Variants in PHACTR1 observed in about 807,000 individuals in gnomAD.
The protein encoded by PHACTR1 is RPEL repeat containing 1.
In PHACTR1, 16 loss-of-function variants were observed where a neutral mutation model predicts 69.2. That is an observed-to-expected ratio of 0.23 (90% CI 0.16 to 0.35). PHACTR1 has a LOEUF of 0.35. Among genes scored for constraint, PHACTR1 ranks in the 10% least tolerant of loss-of-function variants. The pLI, the probability that PHACTR1 is intolerant of heterozygous loss-of-function variation, is 1.00. For synonymous variants in PHACTR1, 312 were observed against 284.5 expected, an observed-to-expected ratio of 1.10 and a Z score of -0.97; for missense variants, 510 against 734.7, an observed-to-expected ratio of 0.69 and a Z score of 3.54.
chr6:13,233,654 C>T (rs572316554), intron 10 of PHACTR1, among the ~76,000 whole-genome samples: 1 of 152,160 alleles, frequency 6.6e-6, no homozygotes, highest in Admixed American at 6.5e-5. Flanking sequence ...ATGAGGGAAA[C>T]TGCCCCCATG....
chr6:12,952,635 A>G (rs1791430440), intron 4 of PHACTR1, among the ~76,000 whole-genome samples: 1 of 152,204 alleles, frequency 6.6e-6, no homozygotes, highest in Non-Finnish European at 1.5e-5. Flanking sequence ...GGACATCTTG[A>G]TTGCTTCCAA....
chr6:13,048,475 A>G (rs924593299), intron 4 of PHACTR1, among the ~76,000 whole-genome samples: 2 of 151,006 alleles, frequency 1.3e-5, no homozygotes, highest in East Asian at 1.9e-4. Context: ...GGTTCCTGCA[A>G]TGGGAGACCA....
At chr6:12,767,119 C>T (rs188074238) in intron 4 of PHACTR1, among the ~76,000 whole-genome samples, 4 of 152,278 alleles carry the variant, frequency 2.6e-5, no homozygotes, top group African/African-American at 7.2e-5. Flanking sequence ...GGTGGGTCAG[C>T]GTCCCAACAT....
chr6:12,894,591 C>A (rs1314312342), intron 4 of PHACTR1, among the ~76,000 whole-genome samples: 1 of 152,134 alleles, frequency 6.6e-6, no homozygotes, highest in East Asian at 1.9e-4. Flanking sequence ...GGTGACAGAG[C>A]AAGACTCCTT....
At chr6:12,789,091 G>A (rs73722845) in intron 4 of PHACTR1, among the ~76,000 whole-genome samples, 10,624 of 152,224 alleles carry the variant, frequency 0.07, 461 homozygotes, top group Admixed American at 0.1. Context: ...CAATGCCTCT[G>A]CTCTCGTTTC....
chr6:12,839,565 TC>T (rs1778489223), intron 4 of PHACTR1, among the ~76,000 whole-genome samples: 1 of 152,052 alleles, frequency 6.6e-6, no homozygotes, highest in South Asian at 2.1e-4. Context: ...TTCTGCCTGG[TC>T]CCACTGACCC....
intron 7 of PHACTR1, among the ~76,000 whole-genome samples, chr6:13,198,949 A>T (rs1221312295): frequency 1.3e-5 from 2 of 152,232 alleles, no homozygotes; most frequent in Admixed American, 1.3e-4. Context: ...ATTTCCATCC[A>T]GGTAGATCAG....
chr6:12,946,205 G>T (rs182631098), intron 4 of PHACTR1, among the ~76,000 whole-genome samples: 1 of 151,964 alleles, frequency 6.6e-6, no homozygotes, highest in African/African-American at 2.4e-5. Context: ...TGAAAAGTGT[G>T]TAGAATACTA....
At chr6:13,067,003 G>C (rs1260249951) in intron 5 of PHACTR1, among the ~76,000 whole-genome samples, 1 of 152,096 alleles carries the variant, frequency 6.6e-6, no homozygotes, top group East Asian at 1.9e-4. Flanking sequence ...GGTTCATTGG[G>C]GCTTGTCTTT....
chr6:12,737,739 C>G (rs1025976795), intron 3 of PHACTR1, among the ~76,000 whole-genome samples: 4 of 151,844 alleles, frequency 2.6e-5, no homozygotes, highest in Non-Finnish European at 5.9e-5. Flanking sequence ...GGACTACAGG[C>G]GTGTGCCACC....
chr6:12,889,029 T>A (rs1382618518), intron 4 of PHACTR1, among the ~76,000 whole-genome samples: 1 of 151,884 alleles, frequency 6.6e-6, no homozygotes, highest in Non-Finnish European at 1.5e-5. Flanking sequence ...TCCTAGCAAT[T>A]TGGGAGGCCA....
At chr6:13,153,737 T>G (rs575985800) in intron 5 of PHACTR1, among the ~76,000 whole-genome samples, 2 of 152,230 alleles carry the variant, frequency 1.3e-5, no homozygotes, top group Admixed American at 1.3e-4. Context: ...CATATTCATT[T>G]TGGGGAGAAC....
intron 6 of PHACTR1, among the ~76,000 whole-genome samples, chr6:13,174,490 G>C (rs1475859592): frequency 6.6e-6 from 1 of 152,178 alleles, no homozygotes; most frequent in African/African-American, 2.4e-5. Context: ...GTCTAAAATT[G>C]TCGCATGGCA....
At chr6:13,182,201 C>A (rs1762263592) in intron 6 of PHACTR1, among the ~76,000 whole-genome samples, 1 of 152,126 alleles carries the variant, frequency 6.6e-6, no homozygotes, top group Non-Finnish European at 1.5e-5. Context: ...CCATTGCACT[C>A]CAGCCTGGGC....
At chr6:13,118,201 C>A (rs1264560726) in intron 5 of PHACTR1, among the ~76,000 whole-genome samples, 1 of 152,172 alleles carries the variant, frequency 6.6e-6, no homozygotes, top group Non-Finnish European at 1.5e-5. Context: ...GCCAGGAGCA[C>A]CTAGGCTTGA....
intron 4 of PHACTR1, among the ~76,000 whole-genome samples, chr6:12,904,160 C>T (rs923253475): frequency 6.6e-6 from 1 of 152,148 alleles, no homozygotes; most frequent in Non-Finnish European, 1.5e-5. Context: ...CCAAAACATA[C>T]ATATGAATTA....
At chr6:12,719,751 C>T (rs1761866723) in intron 3 of PHACTR1, among the ~76,000 whole-genome samples, 1 of 152,194 alleles carries the variant, frequency 6.6e-6, no homozygotes, top group African/African-American at 2.4e-5. Context: ...GAACTTTACA[C>T]ACGCCACTGA....
At chr6:13,169,043 A>G (rs6917942) in intron 6 of PHACTR1, among the ~76,000 whole-genome samples, 9,217 of 152,108 alleles carry the variant, frequency 0.061, 756 homozygotes, top group African/African-American at 0.18. Context: ...TGGGATTCAG[A>G]GGATGTGATG....
At chr6:13,049,952 T>C (rs1000218915) in intron 4 of PHACTR1, among the ~76,000 whole-genome samples, 4 of 152,052 alleles carry the variant, frequency 2.6e-5, no homozygotes, top group Non-Finnish European at 5.9e-5. Context: ...ACTTGTAAAA[T>C]GTGGACAAAA....
Sources: allele counts gnomAD v4.1 joint callset (sites outside exome capture counted in the v4.1 genomes callset), GRCh38; gene constraint gnomAD v4.1.1; transcripts MANE v1.5; gene names NCBI Gene and HGNC (gene_info 2026-07-23, HGNC 2026-07-21).